TMEM117: variants seen among roughly 807,000 people sequenced by gnomAD.
TMEM117 encodes transmembrane protein 117.
A neutral mutation model predicts 52.4 loss-of-function variants in TMEM117; 27 were observed. That is an observed-to-expected ratio of 0.51 (90% CI 0.38 to 0.71). The LOEUF is 0.71. Ranked by LOEUF, TMEM117 falls within the 30% of genes least tolerant of loss-of-function variation. The pLI is 0.00. For missense variants in TMEM117, 556 were observed against 630.5 expected (o/e 0.88, Z 1.26); for synonymous variants, 215 against 206.3 (o/e 1.04, Z -0.36).
At chr12:43,884,575 G>A (rs569113110) in intron 2 of TMEM117, among the ~76,000 whole-genome samples, 10 of 152,246 alleles carry the variant, frequency 6.6e-5, no homozygotes, top group African/African-American at 2.2e-4. Context: ...TTTCTTGGTA[G>A]GGAAGGATTC....
chr12:44,035,594 C>T (rs549820033), intron 3 of TMEM117, among the ~76,000 whole-genome samples: 28 of 152,270 alleles, frequency 1.8e-4, no homozygotes, highest in Non-Finnish European at 2.8e-4. Context: ...TAACACTGAA[C>T]GTTGAATCTT....
chr12:44,280,830 T>G (rs2138593546), intron 5 of TMEM117, among the ~76,000 whole-genome samples: 1 of 152,334 alleles, frequency 6.6e-6, no homozygotes, highest in Non-Finnish European at 1.5e-5. Flanking sequence ...TTCTAAATTC[T>G]GATGAAATTA....
chr12:44,249,620 C>T (rs181502000), intron 5 of TMEM117, among the ~76,000 whole-genome samples: 237 of 152,232 alleles, frequency 1.6e-3, no homozygotes, highest in Middle Eastern at 0.01. Flanking sequence ...ACTAAAACAC[C>T]GTGGTACTGG....
chr12:44,107,151 A>G (rs991807685), intron 3 of TMEM117, among the ~76,000 whole-genome samples: 1 of 152,094 alleles, frequency 6.6e-6, no homozygotes, highest in African/African-American at 2.4e-5. Flanking sequence ...TTCTCAAAAT[A>G]ACCTTATATA....
At chr12:44,280,658 C>T (rs1950566215) in intron 5 of TMEM117, among the ~76,000 whole-genome samples, 1 of 152,004 alleles carries the variant, frequency 6.6e-6, no homozygotes, top group Non-Finnish European at 1.5e-5. Context: ...TCCCATGTCT[C>T]TATATTTTAG....
chr12:44,048,852 G>C (rs1946921488), intron 3 of TMEM117, among the ~76,000 whole-genome samples: 1 of 152,162 alleles, frequency 6.6e-6, no homozygotes, highest in Non-Finnish European at 1.5e-5. Flanking sequence ...ATAAAAGAAA[G>C]CTTTTGGAAA....
chr12:44,315,505 T>C (rs1410656207), intron 6 of TMEM117, among the ~76,000 whole-genome samples: 1 of 152,252 alleles, frequency 6.6e-6, no homozygotes, highest in Non-Finnish European at 1.5e-5. Flanking sequence ...ATTCATTGTT[T>C]ACCCAAAAAT....
chr12:43,890,191 G>T (rs1469381041), intron 2 of TMEM117, among the ~76,000 whole-genome samples: 1 of 152,120 alleles, frequency 6.6e-6, no homozygotes, highest in Non-Finnish European at 1.5e-5. Context: ...TAGGAATATA[G>T]ATTTATTTTT....
intron 4 of TMEM117, among the ~76,000 whole-genome samples, chr12:44,181,981 C>T (rs1385525385): frequency 6.6e-6 from 1 of 152,122 alleles, no homozygotes; most frequent in African/African-American, 2.4e-5. Context: ...TCTTCCTACC[C>T]ATGAGCATGG....
intron 3 of TMEM117, among the ~76,000 whole-genome samples, chr12:44,097,862 TAATAA>T (rs918757400): frequency 9.8e-4 from 148 of 151,660 alleles, no homozygotes; most frequent in African/African-American, 2.8e-3. Context: ...AGTATAATAA[TAATAA>T]AATAAAATAA....
At chr12:44,188,910 A>G (rs965410895) in intron 4 of TMEM117, among the ~76,000 whole-genome samples, 4 of 152,158 alleles carry the variant, frequency 2.6e-5, no homozygotes, top group African/African-American at 9.7e-5. Flanking sequence ...AAAGTGCTTT[A>G]GCATGTAACA....
chr12:43,856,015 G>T (rs908396368), intron 2 of TMEM117, among the ~76,000 whole-genome samples: 1 of 152,158 alleles, frequency 6.6e-6, no homozygotes, highest in African/African-American at 2.4e-5. Flanking sequence ...GTTAATTTGA[G>T]ATCTGAATAG....
At chr12:44,110,366 T>C (rs1948038345) in intron 3 of TMEM117, among the ~76,000 whole-genome samples, 1 of 88,496 alleles carries the variant, frequency 1.1e-5, no homozygotes, top group African/African-American at 4.9e-5. Flanking sequence ...TCTTATTATT[T>C]TGAAATACGT....
At chr12:43,812,850 C>T in the TMEM117 span, among the ~76,000 whole-genome samples, 1 of 105,848 alleles carries the variant, frequency 9.4e-6, no homozygotes, top group South Asian at 3.5e-4. Context: ...CCCATCTCTA[C>T]AAAAAGTACA....
At chr12:44,246,629 T>A (rs566047890) in intron 5 of TMEM117, among the ~76,000 whole-genome samples, 2 of 152,278 alleles carry the variant, frequency 1.3e-5, no homozygotes, top group South Asian at 4.1e-4. Flanking sequence ...TTTTAATATA[T>A]ACACAAACTC....
At chr12:43,809,566 C>G in the TMEM117 span, among the ~76,000 whole-genome samples, 1 of 152,080 alleles carries the variant, frequency 6.6e-6, no homozygotes, top group South Asian at 2.1e-4. Flanking sequence ...CAGTATGATT[C>G]AAAATAAAAG....
At chr12:44,223,327 G>A (rs746891125) in intron 5 of TMEM117, among the ~76,000 whole-genome samples, 2 of 150,982 alleles carry the variant, frequency 1.3e-5, no homozygotes, top group Non-Finnish European at 2.9e-5. Flanking sequence ...TTCTTTACAC[G>A]AAGTTCTCCT....
chr12:44,368,915 C>A (rs1169721621), intron 6 of TMEM117, among the ~76,000 whole-genome samples: 1 of 151,972 alleles, frequency 6.6e-6, no homozygotes, highest in Non-Finnish European at 1.5e-5. Context: ...AAGAACTGCC[C>A]ACTAGATCAA....
the TMEM117 span, chr12:43,797,908 CTA>C: frequency 6.8e-7 from 1 of 1,465,456 alleles, no homozygotes; most frequent in South Asian, 1.3e-5. Context: ...AACCCAACCT[CTA>C]TAAAATAGTA....
Sources: gnomAD v4.1 joint callset for allele counts (sites outside exome capture counted in the v4.1 genomes callset) on GRCh38, gnomAD v4.1.1 for gene constraint, MANE v1.5 for transcripts, NCBI Gene and HGNC (gene_info 2026-07-23, HGNC 2026-07-21) for gene names.